The following DUSP10 variants were observed in gnomAD, a reference collection of about 807,000 sequenced individuals.
DUSP10 encodes dual specificity protein phosphatase 10.
DUSP10 carries 14 observed loss-of-function variants against 30.8 expected under a neutral mutation model. The observed-to-expected ratio is 0.46, with a 90% CI of 0.30 to 0.71. The LOEUF is 0.71. DUSP10 is among the 30% of genes least tolerant of loss of function. The pLI is 0.08. For missense variants in DUSP10, 550 were observed against 619.4 expected (o/e 0.89, Z 1.19); for synonymous variants, 254 against 250.4 (o/e 1.01, Z -0.14).
At chr1:221,723,995 A>G (rs894234449) in intron 2 of DUSP10, among the ~76,000 whole-genome samples, 3 of 152,244 alleles carry the variant, frequency 2.0e-5, no homozygotes. Context: ...ATCCTGAGTC[A>G]TCGCATTAAC....
intron 2 of DUSP10, among the ~76,000 whole-genome samples, chr1:221,712,363 G>A (rs1660963375): frequency 6.6e-6 from 1 of 152,162 alleles, no homozygotes; most frequent in Non-Finnish European, 1.5e-5. Flanking sequence ...AGATAAAGAA[G>A]TATTTATCTT....
chr1:221,704,120 A>T (rs1257623851), intron 3 of DUSP10, among the ~76,000 whole-genome samples: 1 of 152,186 alleles, frequency 6.6e-6, no homozygotes, highest in Non-Finnish European at 1.5e-5. Context: ...CTAAACTTAG[A>T]TGCTGCTCAG....
At chr1:221,707,708 GA>G (rs891301353) in intron 2 of DUSP10, among the ~76,000 whole-genome samples, 12 of 151,962 alleles carry the variant, frequency 7.9e-5, no homozygotes, top group Non-Finnish European at 1.2e-4. Context: ...AAAAATAAAA[GA>G]AAAAAAGTTA....
At chr1:221,723,896 C>T (rs1661346908) in intron 2 of DUSP10, among the ~76,000 whole-genome samples, 1 of 152,196 alleles carries the variant, frequency 6.6e-6, no homozygotes, top group African/African-American at 2.4e-5. Flanking sequence ...ACTCAATCTT[C>T]AGTCCCACTC....
At chr1:221,717,766 C>A (rs1661150988) in intron 2 of DUSP10, among the ~76,000 whole-genome samples, 1 of 152,120 alleles carries the variant, frequency 6.6e-6, no homozygotes, top group Non-Finnish European at 1.5e-5. Context: ...AAGAAGACAG[C>A]TGTCTGCAAG....
intron 2 of DUSP10, chr1:221,711,690 T>C (rs1660941553): frequency 6.6e-6 from 1 of 152,240 alleles, no homozygotes; most frequent in South Asian, 2.1e-4. Flanking sequence ...TACATATCTG[T>C]GACTTGTAAT....
At chr1:221,723,638 A>G (rs189469115) in intron 2 of DUSP10, among the ~76,000 whole-genome samples, 125 of 152,352 alleles carry the variant, frequency 8.2e-4, no homozygotes, top group African/African-American at 3.0e-3. Context: ...CACAAGCCCT[A>G]TCTTTATGAT....
rs1250654433 is a variant in DUSP10, at chr1:221,702,157, A to G, written c.*255T>C. 6.5e-6 allele frequency: 3 copies of G among 458,062 alleles called. No individual in the cohort carries two copies. Among genetic ancestry groups the G allele is most frequent in the African/African-American group, 5.9e-5 (3 of 50,618 alleles). 28.4% of individuals were successfully genotyped at this position (458,062 alleles called of 1,614,324 possible). ...AAGGGGGAGAAACAAGTTGTATTAT[A>G]TTTTTATTGTTGGCTTAAAAAAATT... On this transcript the variant is annotated 3_prime_UTR_variant, in exon 4 of 4. Transcript: ENST00000366899. This position sits in a 1 kb window ranked among gnomAD's most constrained non-coding sequence, Gnocchi z 4.5.
At position 221,713,631 on chromosome 1, in the gene DUSP10, A is replaced by G. The variant is rs565985354; in HGVS notation, c.812-7165T>C. 2.0e-5 allele frequency among the ~76,000 whole-genome samples: 3 copies of G among 152,344 alleles called. No individual in the cohort carries two copies. The East Asian group carries it at 5.8e-4, about 29-fold the overall frequency. On this transcript the variant is annotated intron_variant, in intron 2 of 3. Coordinates refer to ENST00000366899, the MANE Select transcript of DUSP10 (RefSeq NM_007207.6). ...TTTCAACAACTTATTATATGTATAC[A>G]TGCAGCCTCATTCTACAACTATAAC... is the stretch of plus-strand genomic sequence containing the variant.
At chr1:221,724,343 AT>A (rs5781248) in intron 2 of DUSP10, among the ~76,000 whole-genome samples, 89,668 of 151,370 alleles carry the variant, frequency 0.59, 29,338 homozygotes, top group African/African-American at 0.89. Context: ...AATAACAAGC[AT>A]TTTTTTTTTC....
At chr1:221,721,397 A>C (rs1474159) in intron 2 of DUSP10, among the ~76,000 whole-genome samples, 107,845 of 152,138 alleles carry the variant, frequency 0.71, 39,565 homozygotes, top group African/African-American at 0.89. Flanking sequence ...ACAGGACTGG[A>C]AGAAGAAACA....
rs752519038 is a variant in DUSP10, at chr1:221,702,362, C to T, written c.*50G>A. 2.6e-6 allele frequency: 4 copies of T among 1,566,856 alleles called. No homozygotes were observed. The highest frequency in any genetic ancestry group is 2.3e-5 in the East Asian group (1 of 44,262). Reference sequence around the variant, plus strand: ...AAAAAAACCAGAATCCATCCTCCTTCCTCATTGTCTCCTAATGGAGAGCAG... The same window carrying T: ...AAAAAAACCAGAATCCATCCTCCTTTCTCATTGTCTCCTAATGGAGAGCAG... On this transcript the variant is annotated 3_prime_UTR_variant, in exon 4 of 4. Coordinates refer to ENST00000366899, the MANE Select transcript of DUSP10 (RefSeq NM_007207.6). The surrounding 1 kb of genome is among the most constrained non-coding windows in gnomAD (Gnocchi z 4.5).
chr1:221,716,995 TGCCCCTCCCCA>T (rs889158943), intron 2 of DUSP10, among the ~76,000 whole-genome samples: 3 of 152,154 alleles, frequency 2.0e-5, no homozygotes, highest in African/African-American at 4.8e-5. Flanking sequence ...GCCCCTTCCC[TGCCCCTCCCCA>T]CTCCATCAGG....
At chr1:221,717,681 T>C (rs1186248568) in intron 2 of DUSP10, among the ~76,000 whole-genome samples, 3 of 152,126 alleles carry the variant, frequency 2.0e-5, no homozygotes, top group Non-Finnish European at 2.9e-5. Flanking sequence ...GCTCCTGTGA[T>C]GGGAGTAGTA....
intron 2 of DUSP10, among the ~76,000 whole-genome samples, chr1:221,720,296 C>A (rs1428859430): frequency 1.3e-5 from 2 of 152,106 alleles, no homozygotes; most frequent in African/African-American, 4.8e-5. Flanking sequence ...CAGCCGCATC[C>A]CCCAACCTCC....
At position 221,723,134 on chromosome 1, in the gene DUSP10, G is replaced by A. The variant is rs569520294; in HGVS notation, c.811+15800C>T. On this transcript the variant is annotated intron_variant, in intron 2 of 3. Coordinates refer to ENST00000366899, the MANE Select transcript of DUSP10 (RefSeq NM_007207.6). ...GCCAACACATATGTTTGTCACCACC[G>A]CTAACATGATGCCAACTGGGAGATG... is the stretch of plus-strand genomic sequence containing the variant. 1.2e-4 allele frequency among the ~76,000 whole-genome samples: 18 copies of A among 152,248 alleles called. No individual in the cohort carries two copies. The South Asian group carries it at 2.5e-3, about 21-fold the overall frequency.
intron 2 of DUSP10, among the ~76,000 whole-genome samples, chr1:221,722,009 C>T (rs1406586391): frequency 6.6e-6 from 1 of 152,168 alleles, no homozygotes; most frequent in Non-Finnish European, 1.5e-5. Context: ...TTTCTTCTAT[C>T]TCCTTTTGAA....
chr1:221,729,860 T>C lies in DUSP10; in HGVS notation c.811+9074A>G, dbSNP rs184226066. Among the ~76,000 whole-genome samples the C allele has an allele frequency of 4.4e-3, 669 of 152,248 alleles. 9 individuals are homozygous for C. The highest frequency in any genetic ancestry group is 4.4e-3 in the Non-Finnish European group (300 of 68,012). On this transcript the variant is annotated intron_variant, in intron 2 of 3. Coordinates refer to ENST00000366899, the MANE Select transcript of DUSP10 (RefSeq NM_007207.6). ...TAAAAATAGAAATTAAAAGAAACAATAGAAAATGTCCTCTATCTCTTCAGG... is the reference window on the plus strand; with the variant it reads ...TAAAAATAGAAATTAAAAGAAACAACAGAAAATGTCCTCTATCTCTTCAGG...
At chr1:221,709,824 G>T (rs568692051) in intron 2 of DUSP10, among the ~76,000 whole-genome samples, 1 of 152,074 alleles carries the variant, frequency 6.6e-6, no homozygotes, top group Non-Finnish European at 1.5e-5. Context: ...ACTTTCCTCC[G>T]ACCCTACCCC....
Sources: allele counts gnomAD v4.1 joint callset (sites outside exome capture counted in the v4.1 genomes callset), GRCh38; gene constraint gnomAD v4.1.1; non-coding constraint Gnocchi (gnomAD v3.1); transcripts MANE v1.5; gene names NCBI Gene and HGNC (gene_info 2026-07-23, HGNC 2026-07-21).